ACOX3: variants seen among roughly 807,000 people sequenced by gnomAD.
ACOX3 encodes acyl-CoA oxidase 3, pristanoyl, also known as peroxisomal acyl-coenzyme A oxidase 3.
Under a neutral mutation model 81.5 loss-of-function variants are expected in ACOX3, and 73 were observed. That is an observed-to-expected ratio of 0.90 (90% confidence interval 0.74 to 1.09). The LOEUF (loss-of-function observed/expected upper bound fraction) is 1.09, where lower values mean the gene tolerates loss of function less well. Among genes scored for constraint, ACOX3 ranks in the 50% least tolerant of loss-of-function variants. The pLI, the probability that ACOX3 is intolerant of heterozygous loss-of-function variation, is 0.00. For synonymous variants in ACOX3, 387 were observed against 375.1 expected (o/e 1.03, Z -0.37); for missense variants, 947 against 928.0 (o/e 1.02, Z -0.27).
chr4:8,421,019 A>C (rs974972133), intron 1 of ACOX3, among the ~76,000 whole-genome samples: 1 of 152,220 alleles, frequency 6.6e-6, no homozygotes, highest in African/African-American at 2.4e-5. Flanking sequence ...CATTCCTTGG[A>C]ATCCGTGAGG....
chr4:8,373,365 G>A (rs1472943271), intron 16 of ACOX3, among the ~76,000 whole-genome samples, 196 bp downstream of exon 16: 1 of 151,976 alleles, frequency 6.6e-6, no homozygotes, highest in African/African-American at 2.4e-5. Context: ...TGTCAGCTCT[G>A]GGTGATGCTA....
rs1722778405 is a variant in ACOX3 at position 8,420,178 on chromosome 4, C to T, written c.-14-3643G>A. 3.3e-5 allele frequency among the ~76,000 whole-genome samples: 5 copies of T among 152,352 alleles called. No homozygotes were observed. In the South Asian group the frequency reaches 1.0e-3, roughly 32 times the overall value. On this transcript the variant is annotated intron_variant, in intron 1 of 17. Transcript: ENST00000356406. ...TCAAGCACAGCTGGCTCCAAATCCC[C>T]AGATCCTAACAAGTACCTATGGGCC...
chr4:8,390,157 G>A (rs558253371), intron 11 of ACOX3, among the ~76,000 whole-genome samples: 35 of 144,712 alleles, frequency 2.4e-4, no homozygotes, highest in African/African-American at 8.0e-4. Context: ...GGGCAACATA[G>A]TGAGACCCTA....
chr4:8,435,306 G>T (rs2688244), intron 1 of ACOX3, among the ~76,000 whole-genome samples: 73,996 of 151,984 alleles, frequency 0.49, 18,104 homozygotes, highest in South Asian at 0.55. Flanking sequence ...CTGACTAATA[G>T]GGTGAAACCC....
At chr4:8,393,177 A>T (rs112441314) in intron 10 of ACOX3, 1 of 151,026 alleles carries the variant, frequency 6.6e-6, no homozygotes, top group Non-Finnish European at 1.5e-5. Flanking sequence ...TCTGCTTGAT[A>T]TCTAATGATG....
rs534886294 is a variant in ACOX3, at chr4:8,399,437, C to T, written c.873+119G>A. The T allele has an allele frequency of 6.3e-5, 53 of 840,016 alleles. No homozygotes were observed. In the East Asian group the frequency reaches 9.9e-4, roughly 16 times the overall value. 52.0% of individuals were successfully genotyped at this position (840,016 alleles called of 1,614,324 possible). ...CCGAGCCAGGAGAAGTATGCCCCAG[C>T]GACACCTGGCCTACGTGGAGGGGTC... On this transcript the variant is annotated intron_variant, in intron 8 of 17. Coordinates refer to ENST00000356406, the MANE Select transcript of ACOX3 (RefSeq NM_003501.3). This position sits in a 1 kb window ranked among gnomAD's most constrained non-coding sequence, Gnocchi z 4.9.
chr4:8,386,998 G>A lies in ACOX3; in HGVS notation c.1537+2175C>T, dbSNP rs145340490. Among the ~76,000 whole-genome samples the A allele has an allele frequency of 4.7e-3, 713 of 152,346 alleles. 10 individuals carry two copies. Among genetic ancestry groups the A allele is most frequent in the Middle Eastern group, 0.01 (3 of 294 alleles). On this transcript the variant is annotated intron_variant, in intron 13 of 17. Transcript: ENST00000356406. This position sits in a 1 kb window ranked among gnomAD's most constrained non-coding sequence, Gnocchi z 5.2. ...AGGGAGGCCAGTGCTCCCTCCTCCCGAGGATCCAGGGGCCTCCCAGAACCC... is the reference window on the plus strand; with the variant it reads ...AGGGAGGCCAGTGCTCCCTCCTCCCAAGGATCCAGGGGCCTCCCAGAACCC...
At chr4:8,364,640 C>G (rs774782556), downstream of ACOX3, among the ~76,000 whole-genome samples, 7 of 152,240 alleles carry the variant, frequency 4.6e-5, no homozygotes, top group Non-Finnish European at 1.0e-4. This position sits in a 1 kb window ranked among gnomAD's most constrained non-coding sequence, Gnocchi z 5.0. Flanking sequence ...ATCGTGACAT[C>G]ACAAAGCTCT....
At position 8,410,207 on chromosome 4, in the gene ACOX3, C is replaced by T. The variant is rs751899701; in HGVS notation, c.687+5G>A. ...CCCCCACTGAGGGCCACCCCAGCGT[C>T]CTACCTGCACGATAAAGGGATGCAG... On this transcript the variant is annotated splice_donor_5th_base_variant and intron_variant, in intron 6 of 17. Coordinates refer to ENST00000356406, the MANE Select transcript of ACOX3 (RefSeq NM_003501.3). The T allele has an allele frequency of 4.3e-6, 7 of 1,613,314 alleles. No homozygotes were observed. The highest frequency in any genetic ancestry group is 2.2e-5 in the East Asian group (1 of 44,876).
rs1428788128 is a variant in ACOX3, at chr4:8,375,163, G to A, written c.1654-11C>T. 1.3e-6 allele frequency: 2 copies of A among 1,527,392 alleles called. No homozygotes were observed. Among genetic ancestry groups the A allele is most frequent in the East Asian group, 4.9e-5 (2 of 40,800 alleles). 94.6% of individuals were successfully genotyped at this position (1,527,392 alleles called of 1,614,324 possible). The stretch of plus-strand genomic sequence containing the variant: ...ACGGCCGTGGGACACCTGGAACACA[G>A]GACGGCACCGTGAGGACCGTGAGGG... On this transcript the variant is annotated splice_polypyrimidine_tract_variant and intron_variant, in intron 14 of 17. Transcript: ENST00000356406.
rs537856467 is a variant in ACOX3, at chr4:8,427,650, A to G, written c.-14-11115T>C. On this transcript the variant is annotated intron_variant, in intron 1 of 17. Transcript: ENST00000356406. ...CTAATAGAGCTATAACACTCACCGC[A>G]TGGCCCAAGGTTCCATTCCTTGGAA... 2.0e-5 allele frequency among the ~76,000 whole-genome samples: 3 copies of G among 152,296 alleles called. No homozygotes were observed. In the East Asian group the frequency reaches 5.8e-4, roughly 29 times the overall value.
intron 1 of ACOX3, among the ~76,000 whole-genome samples, chr4:8,428,697 G>A (rs1227950919): frequency 1.3e-5 from 2 of 152,202 alleles, no homozygotes; most frequent in African/African-American, 2.4e-5. Flanking sequence ...GTAGTTCTGA[G>A]ATGCAGTTCA....
rs1396740446 is a variant in ACOX3 at position 8,373,627 on chromosome 4, T to C, written c.1830A>G (p.Gly610=). The C allele has an allele frequency of 1.2e-6, 2 of 1,611,670 alleles. No individual in the cohort carries two copies. Among genetic ancestry groups the C allele is most frequent in the Admixed American group, 3.3e-5 (2 of 59,810 alleles). Residue 610 remains glycine, a splice_region_variant and synonymous_variant, in exon 16 of 18, where the codon GGA becomes GGG. Transcript: ENST00000356406. ...LSRHAALLYR[G]GYFSGEQAGE... is the part of the protein sequence containing the mutation. ...CCGCCTGCTCACCGGAGAAGTATCCTCCTGCAAGCACAGCCTCGGTCACAT... is the reference window on the plus strand; with the variant it reads ...CCGCCTGCTCACCGGAGAAGTATCCCCCTGCAAGCACAGCCTCGGTCACAT...
At chr4:8,369,653 C>A (rs1715907332) in intron 17 of ACOX3, among the ~76,000 whole-genome samples, 2 of 152,246 alleles carry the variant, frequency 1.3e-5, no homozygotes, top group African/African-American at 4.8e-5. Context: ...CAGGTGTAGC[C>A]TGGGCCGCGC....
At chr4:8,372,952 C>G (rs1334898923) in intron 16 of ACOX3, among the ~76,000 whole-genome samples, 1 of 152,170 alleles carries the variant, frequency 6.6e-6, no homozygotes, top group Admixed American at 6.5e-5. Flanking sequence ...AGCCGCCTTC[C>G]CCCAACCCAG....
Position 8,371,034 on chromosome 4 carries a change from G to T in ACOX3, c.1897-40C>A, listed in dbSNP as rs372845411. 2.1e-5 allele frequency: 34 copies of T among 1,591,700 alleles called. No homozygotes were observed. In the African/African-American group the frequency reaches 4.6e-4, roughly 21 times the overall value. ...AGCCCAGACACTTGGCACCTCCCGGGAATTTCCATGGTGACCAAAGCATAA... is the reference window on the plus strand; with the variant it reads ...AGCCCAGACACTTGGCACCTCCCGGTAATTTCCATGGTGACCAAAGCATAA... On this transcript the variant is annotated intron_variant, in intron 16 of 17. Transcript: ENST00000356406.
At chr4:8,421,482 A>G (rs943964178) in intron 1 of ACOX3, among the ~76,000 whole-genome samples, 18 of 152,214 alleles carry the variant, frequency 1.2e-4, no homozygotes, top group African/African-American at 4.3e-4. Context: ...GTCTCTACTC[A>G]ACAGTTGCCC....
At chr4:8,411,239 C>T (rs934384316) in intron 5 of ACOX3, among the ~76,000 whole-genome samples, 2 of 152,218 alleles carry the variant, frequency 1.3e-5, no homozygotes, top group Non-Finnish European at 2.9e-5. Context: ...ATCCTCCACG[C>T]GGAGCTTGCC....
At position 8,370,022 on chromosome 4, in the gene ACOX3, G is replaced by A. The variant is rs1405057734; in HGVS notation, c.1983+886C>T. Among the ~76,000 whole-genome samples, 1 of 152,194 alleles carries A rather than the reference G, an allele frequency of 6.6e-6. No homozygotes were observed. The highest frequency in any genetic ancestry group is 1.5e-5 in the Non-Finnish European group (1 of 68,046). Reference sequence around the variant, plus strand: ...CCTCGAGGGCATCATCAGGTGGGAGGGAGACACAAGGTCAGTGATGAGGCC... The same window carrying A: ...CCTCGAGGGCATCATCAGGTGGGAGAGAGACACAAGGTCAGTGATGAGGCC... On this transcript the variant is annotated intron_variant, in intron 17 of 17. Transcript: ENST00000356406. This position sits in a 1 kb window ranked among gnomAD's most constrained non-coding sequence, Gnocchi z 6.3.
Sources: gnomAD v4.1 joint callset for allele counts (sites outside exome capture counted in the v4.1 genomes callset) on GRCh38, gnomAD v4.1.1 for gene constraint, Gnocchi (gnomAD v3.1) non-coding constraint, MANE v1.5 for transcripts, NCBI Gene and HGNC (gene_info 2026-07-23, HGNC 2026-07-21) for gene names.